Variants in CHST13 observed in about 807,000 individuals in gnomAD.
CHST13 encodes carbohydrate sulfotransferase 13, also known as C4ST-3.
A neutral mutation model predicts 7.0 loss-of-function variants in CHST13; 1 was observed. The ratio of observed to expected loss-of-function variants is 0.14; its 90% CI spans 0.05 to 0.68. The LOEUF is 0.68. Among genes scored for constraint, CHST13 ranks in the 30% least tolerant of loss-of-function variants. The pLI is 0.82. For synonymous variants in CHST13, 257 were observed against 240.9 expected (o/e 1.07, Z -0.62); for missense variants, 572 against 507.9 (o/e 1.13, Z -1.21).
rs34311016 is a variant in CHST13, at chr3:126,541,988, C to T, written c.436C>T (p.Pro146Ser). The change falls in exon 3 of 3, where the codon CCT (proline) becomes TCT (serine). Residue 146 changes from proline (P) to serine (S), a missense_variant. Pro to Ser is a moderately conservative substitution (Grantham distance 74, BLOSUM62 -1). Coordinates refer to ENST00000319340, the MANE Select transcript of CHST13 (RefSeq NM_152889.3). ...RAISAQEAHAPGRLPSLADFS... is the reference protein window; with the variant it reads ...RAISAQEAHASGRLPSLADFS... ...CATCTCCGCGCAAGAGGCGCACGCGCCTGGCCGCCTGCCCTCACTGGCCGA... is the reference window on the plus strand; with the variant it reads ...CATCTCCGCGCAAGAGGCGCACGCGTCTGGCCGCCTGCCCTCACTGGCCGA... 1.7e-3 allele frequency: 2,726 copies of T among 1,564,694 alleles called. 46 individuals are homozygous for T. In the African/African-American group the frequency reaches 0.033, roughly 19 times the overall value.
intron 1 of CHST13, among the ~76,000 whole-genome samples, chr3:126,535,874 G>T (rs1936779016): frequency 6.6e-6 from 1 of 152,398 alleles, no homozygotes; most frequent in South Asian, 2.1e-4. Flanking sequence ...GGATCTGAGG[G>T]TGCTGGGCAG....
chr3:126,525,568 A>G (rs1936522480), intron 1 of CHST13, among the ~76,000 whole-genome samples: 1 of 152,182 alleles, frequency 6.6e-6, no homozygotes, highest in African/African-American at 2.4e-5. Context: ...GGTGTTGAGC[A>G]GACAATCTCC....
In CHST13 at chr3:126,542,193, C is replaced by T; in HGVS notation, c.641C>T (p.Pro214Leu). The change falls in exon 3 of 3, where the codon CCC becomes CTC. Residue 214 changes from proline to leucine, a missense_variant. Coordinates refer to ENST00000319340, the MANE Select transcript of CHST13 (RefSeq NM_152889.3). The part of the protein sequence containing the change: ...IVQRLRPRAL[P>L]DARARGHDVR... ...CAGCGCCTGCGGCCGCGCGCGCTCC[C>T]CGACGCCCGGGCCCGCGGCCACGAC... 1 of 1,443,742 alleles carries T rather than the reference C, an allele frequency of 6.9e-7. No homozygotes were observed. Among genetic ancestry groups the T allele is most frequent in the South Asian group, 1.4e-5 (1 of 73,270 alleles). 89.4% of individuals were successfully genotyped at this position (1,443,742 alleles called of 1,614,324 possible). A position where few individuals can be genotyped will look rare whatever the true frequency, so the allele number is the denominator to read the frequency against.
Position 126,524,307 on chromosome 3 carries a change from G to A in CHST13, c.-26G>A. ...CGCCCCCAGCCGTATCCAGCGGACTGTCCTCCGCCGCGCGCCCGGCACAGC... is the reference window on the plus strand; with the variant it reads ...CGCCCCCAGCCGTATCCAGCGGACTATCCTCCGCCGCGCGCCCGGCACAGC... On this transcript the variant is annotated 5_prime_UTR_variant, in exon 1 of 3. Transcript: ENST00000319340. 5 of 1,231,622 alleles carry A rather than the reference G, an allele frequency of 4.1e-6. No individual in the cohort carries two copies. The highest frequency in any genetic ancestry group is 5.1e-6 in the Non-Finnish European group (5 of 987,602). The allele number at this position is 1,231,622 out of a possible 1,614,324, so 76.3% of individuals were successfully genotyped here. A position where few individuals can be genotyped will look rare whatever the true frequency, so the allele number is the denominator to read the frequency against.
chr3:126,539,612 CCACACACACAG>C (rs1438126735), intron 2 of CHST13, among the ~76,000 whole-genome samples: 1 of 142,430 alleles, frequency 7.0e-6, no homozygotes, highest in Non-Finnish European at 1.5e-5. Context: ...ACACTCCACA[CCACACACACAG>C]CACACACACA....
Position 126,541,959 on chromosome 3 carries a change from G to C in CHST13, c.407G>C (p.Arg136Pro). 2 of 1,585,280 alleles carry C rather than the reference G, an allele frequency of 1.3e-6. No individual in the cohort carries two copies. The highest frequency in any genetic ancestry group is 1.7e-6 in the Non-Finnish European group (2 of 1,167,644). Reference protein sequence around the residue: ...ALSGQARGDPRAISAQEAHAP... With the variant: ...ALSGQARGDPPAISAQEAHAP... ...AGCGGCCAAGCCCGCGGCGACCCGC[G>C]CGCCATCTCCGCGCAAGAGGCGCAC... Residue 136 changes from arginine (R) to proline (P), a missense_variant, in exon 3 of 3, where the codon CGC becomes CCC. Arg to Pro is a moderately radical substitution (Grantham distance 103). Transcript: ENST00000319340.
In CHST13 at chr3:126,542,599, C is replaced by T; in HGVS notation, c.*21C>T. 1 of 1,452,714 alleles carries T rather than the reference C, an allele frequency of 6.9e-7. No individual in the cohort carries two copies. Among genetic ancestry groups the T allele is most frequent in the South Asian group, 1.5e-5 (1 of 67,120 alleles). 90.0% of individuals were successfully genotyped at this position (1,452,714 alleles called of 1,614,324 possible). On this transcript the variant is annotated 3_prime_UTR_variant, in exon 3 of 3. Coordinates refer to ENST00000319340, the MANE Select transcript of CHST13 (RefSeq NM_152889.3). ...TCTAGCGGTCCTGGAGGTCCTGTGG[C>T]CACGCGGGGCAAGTGCCTTTCCGAC...
At chr3:126,540,136 C>T (rs1051660264) in intron 2 of CHST13, among the ~76,000 whole-genome samples, 1 of 151,958 alleles carries the variant, frequency 6.6e-6, no homozygotes, top group Non-Finnish European at 1.5e-5. Flanking sequence ...GGCGTCAGAC[C>T]CTCCCAAGCA....
chr3:126,541,057 C>A (rs529977336), intron 2 of CHST13, among the ~76,000 whole-genome samples: 109 of 152,282 alleles, frequency 7.2e-4, no homozygotes, highest in African/African-American at 2.3e-3. Flanking sequence ...TGGCCTGGGT[C>A]TCTACATGGC....
chr3:126,537,906 C>G (rs761241482), intron 2 of CHST13, among the ~76,000 whole-genome samples: 25 of 152,206 alleles, frequency 1.6e-4, no homozygotes, highest in Non-Finnish European at 3.5e-4. Flanking sequence ...GCAAAGGTCA[C>G]AGAGCTTCTA....
intron 2 of CHST13, among the ~76,000 whole-genome samples, chr3:126,539,984 G>GCATGACACACACA (rs1936919882): frequency 1.7e-5 from 1 of 59,298 alleles, no homozygotes; most frequent in Non-Finnish European, 3.6e-5. Flanking sequence ...TGCCACACAC[G>GCATGACACACACA]CATGACACAC....
chr3:126,539,479 A>G (rs1216041078), intron 2 of CHST13, among the ~76,000 whole-genome samples: 1 of 148,544 alleles, frequency 6.7e-6, no homozygotes, highest in Non-Finnish European at 1.5e-5. Flanking sequence ...CACTGCACAC[A>G]CACACACATA....
chr3:126,542,468 C>T lies in CHST13; in HGVS notation c.916C>T (p.Arg306Cys), dbSNP rs1272857221. Residue 306 changes from arginine to cysteine, a missense_variant, in exon 3 of 3, where the codon CGC becomes TGC. Coordinates refer to ENST00000319340, the MANE Select transcript of CHST13 (RefSeq NM_152889.3). ...GAAASRDLAA[R>C]LFRDISPFYQ... Reference sequence around the variant, plus strand: ...CGCCGCCTCCCGCGACCTGGCAGCGCGCCTCTTCCGGGACATCAGCCCCTT... The same window carrying T: ...CGCCGCCTCCCGCGACCTGGCAGCGTGCCTCTTCCGGGACATCAGCCCCTT... 3 of 1,577,832 alleles carry T rather than the reference C, an allele frequency of 1.9e-6. No homozygotes were observed. Among genetic ancestry groups the T allele is most frequent in the Non-Finnish European group, 2.6e-6 (3 of 1,165,084 alleles).
chr3:126,541,058 T>G (rs1170465155), intron 2 of CHST13, among the ~76,000 whole-genome samples: 1 of 152,182 alleles, frequency 6.6e-6, no homozygotes, highest in East Asian at 1.9e-4. Flanking sequence ...GGCCTGGGTC[T>G]CTACATGGCT....
In CHST13 at chr3:126,530,566, G is replaced by A. The variant is rs7610155; in HGVS notation, c.98-5705G>A. 5.8e-3 allele frequency among the ~76,000 whole-genome samples: 879 copies of A among 152,348 alleles called. 10 individuals carry two copies. Among genetic ancestry groups the A allele is most frequent in the African/African-American group, 0.02 (813 of 41,582 alleles). ...GGACACGTCTCATCTGCAACACGGC[G>A]AGAAGGCCTGGCCTCCTCTCATGGG... On this transcript the variant is annotated intron_variant, in intron 1 of 2. Transcript: ENST00000319340.
chr3:126,529,260 T>G, intron 1 of CHST13: 1 of 1,216,342 alleles, frequency 8.2e-7, no homozygotes, highest in South Asian at 1.3e-5. Context: ...CCTTGCAACA[T>G]GACGTGTGCG....
rs1273936652 is a variant in CHST13 at position 126,539,537 on chromosome 3, CCACACACACCG to C, written c.181-2186_181-2176del. 8.9e-4 allele frequency among the ~76,000 whole-genome samples: 129 copies of C among 144,256 alleles called. 2 individuals are homozygous for C. Among genetic ancestry groups the C allele is most frequent in the Middle Eastern group, 7.5e-3 (2 of 268 alleles). The allele number at this position is 144,256 out of a possible 152,430, so 94.6% of individuals were successfully genotyped here. A position where few individuals can be genotyped will look rare whatever the true frequency, so the allele number is the denominator to read the frequency against. On this transcript the variant is annotated intron_variant, in intron 2 of 2. Coordinates refer to ENST00000319340, the MANE Select transcript of CHST13 (RefSeq NM_152889.3). ...CCACACACCCCACACCATGCACACA[CCACACACACCG>C]CACACACACTGCACACACACACACA...
At chr3:126,526,342 G>T (rs1338662291) in intron 1 of CHST13, among the ~76,000 whole-genome samples, 1 of 152,194 alleles carries the variant, frequency 6.6e-6, no homozygotes, top group African/African-American at 2.4e-5. Flanking sequence ...TCTGGAAATG[G>T]CCTCACGAGG....
chr3:126,536,406 G>A, intron 2 of CHST13, 53 bp downstream of exon 2: 1 of 1,427,936 alleles, frequency 7.0e-7, no homozygotes. Flanking sequence ...CCAGCCAGGA[G>A]CCTGACAGCA....
Sources: gnomAD v4.1 joint callset for allele counts (sites outside exome capture counted in the v4.1 genomes callset) on GRCh38, gnomAD v4.1.1 for gene constraint, MANE v1.5 for transcripts, NCBI Gene and HGNC (gene_info 2026-07-23, HGNC 2026-07-21) for gene names.